TMEM87B: variants seen among roughly 807,000 people sequenced by gnomAD.
TMEM87B encodes transmembrane protein 87B.
In TMEM87B, 83 loss-of-function variants were observed where a neutral mutation model predicts 80.3. The ratio of observed to expected loss-of-function variants is 1.03; its 90% CI spans 0.87 to 1.24. The LOEUF is 1.24. Among genes scored for constraint, TMEM87B ranks in the 50% most tolerant of loss-of-function variants. TMEM87B has a pLI of 0.00. For synonymous variants in TMEM87B, 219 were observed against 230.5 expected, an observed-to-expected ratio of 0.95 and a Z score of 0.45; for missense variants, 625 against 674.4, an observed-to-expected ratio of 0.93 and a Z score of 0.81.
At chr2:112,110,521 T>C (rs1037949132) in intron 17 of TMEM87B, among the ~76,000 whole-genome samples, 1 of 152,148 alleles carries the variant, frequency 6.6e-6, no homozygotes, top group Non-Finnish European at 1.5e-5. Context: ...TGATTTTCAT[T>C]TTCCTTCTTT....
At chr2:112,077,094 C>A in intron 5 of TMEM87B, 98 bp from the exon 6 acceptor site, 4 of 537,550 alleles carry the variant, frequency 7.4e-6, no homozygotes, top group East Asian at 3.3e-5. Flanking sequence ...AAAAAGTAAC[C>A]CGATTCAATT....
chr2:112,095,110 C>A, intron 11 of TMEM87B: 1 of 897,652 alleles, frequency 1.1e-6, no homozygotes, highest in Non-Finnish European at 1.3e-6. Flanking sequence ...TGTGGCCCTT[C>A]CTCCCCTTTT....
intron 5 of TMEM87B, among the ~76,000 whole-genome samples, chr2:112,075,647 A>G (rs1464360193): frequency 2.0e-5 from 3 of 152,230 alleles, no homozygotes. Context: ...CTGGGGAATT[A>G]CTAAAAGTTA....
chr2:112,073,014 C>T (rs963499429), intron 4 of TMEM87B, among the ~76,000 whole-genome samples: 1 of 151,556 alleles, frequency 6.6e-6, no homozygotes. Context: ...ATTCTCCCAC[C>T]TCAGCCTCCC....
intron 14 of TMEM87B, among the ~76,000 whole-genome samples, chr2:112,100,145 G>A (rs1679590760): frequency 6.6e-6 from 1 of 152,154 alleles, no homozygotes; most frequent in Non-Finnish European, 1.5e-5. Flanking sequence ...TTACTTTAAT[G>A]GCTATTGCCA....
chr2:112,092,263 G>T lies in TMEM87B; in HGVS notation c.1104+480G>T, dbSNP rs973460035. Among the ~76,000 whole-genome samples the T allele has an allele frequency of 2.6e-5, 4 of 152,178 alleles. No homozygotes were observed. The East Asian group carries it at 5.8e-4, about 22-fold the overall frequency. On this transcript the variant is annotated intron_variant, in intron 11 of 18. Coordinates refer to ENST00000283206, the MANE Select transcript of TMEM87B (RefSeq NM_032824.3). ...TAATAAGGAGGTAATTAGGGAAGAG[G>T]TATTCTAGGAAGAACGGAGGGGAGC...
rs1366382757 is a variant in TMEM87B, at chr2:112,064,156, A to T, written c.227-6A>T. 1 of 1,611,594 alleles carries T rather than the reference A, an allele frequency of 6.2e-7. No homozygotes were observed. The highest frequency in any genetic ancestry group is 1.3e-5 in the African/African-American group (1 of 74,932). On this transcript the variant is annotated splice_polypyrimidine_tract_variant and splice_region_variant and intron_variant, in intron 2 of 18. Transcript: ENST00000283206. ...ATGTAAAACAAGACTTTCTTTTTCTAAACAGTTAAGTCATTCCATTGTTCT... is the reference window on the plus strand; with the variant it reads ...ATGTAAAACAAGACTTTCTTTTTCTTAACAGTTAAGTCATTCCATTGTTCT...
chr2:112,070,700 A>T (rs1462365841), intron 4 of TMEM87B, among the ~76,000 whole-genome samples: 1 of 152,018 alleles, frequency 6.6e-6, no homozygotes, highest in Non-Finnish European at 1.5e-5. Context: ...AGTTTTTTCT[A>T]GTTTTGTGAA....
rs1203572632 is a variant in TMEM87B, at chr2:112,064,918, ATATCTATACATATACATATATGTG to A, written c.318+668_318+691del. The stretch of plus-strand genomic sequence containing the variant: ...TTAAATTATATATGTATATATGTAT[ATATCTATACATATACATATATGTG>A]TACATATACCTATACATGTATATGC... On this transcript the variant is annotated intron_variant, in intron 3 of 18. Coordinates refer to ENST00000283206, the MANE Select transcript of TMEM87B (RefSeq NM_032824.3). 9.2e-5 allele frequency among the ~76,000 whole-genome samples: 14 copies of A among 152,226 alleles called. No individual in the cohort carries two copies. The East Asian group carries it at 1.9e-3, about 21-fold the overall frequency.
intron 5 of TMEM87B, among the ~76,000 whole-genome samples, chr2:112,076,703 T>G (rs1320174045): frequency 6.6e-6 from 1 of 152,168 alleles, no homozygotes; most frequent in African/African-American, 2.4e-5. Context: ...AGAGGGAACC[T>G]GTAAAAATAT....
At chr2:112,072,585 T>A (rs1372982503) in intron 4 of TMEM87B, among the ~76,000 whole-genome samples, 1 of 152,192 alleles carries the variant, frequency 6.6e-6, no homozygotes, top group African/African-American at 2.4e-5. Context: ...TTCTGATGGT[T>A]ACCTGTATTT....
At chr2:112,107,628 A>G (rs544658693) in intron 16 of TMEM87B, among the ~76,000 whole-genome samples, 160 bp from the exon 17 acceptor site, 1 of 152,370 alleles carries the variant, frequency 6.6e-6, no homozygotes, top group Admixed American at 6.5e-5. Context: ...AAACAGTGGC[A>G]TAATTTCTGT....
At chr2:112,082,194 A>G (rs1258672790) in intron 8 of TMEM87B, among the ~76,000 whole-genome samples, 1 of 152,208 alleles carries the variant, frequency 6.6e-6, no homozygotes, top group Non-Finnish European at 1.5e-5. Context: ...GAAGGTGCTC[A>G]AGAGTGTACT....
chr2:112,055,279 C>G lies in TMEM87B; in HGVS notation c.-313C>G, dbSNP rs34128716. 0.24 allele frequency: 89,843 copies of G among 377,786 alleles called. 11,897 individuals carry two copies. Among genetic ancestry groups the G allele is most frequent in the Middle Eastern group, 0.32 (451 of 1,406 alleles). The allele number at this position is 377,786 out of a possible 1,614,324, so 23.4% of individuals were successfully genotyped here. On this transcript the variant is annotated 5_prime_UTR_variant, in exon 1 of 19. Transcript: ENST00000283206. The stretch of plus-strand genomic sequence containing the variant: ...TCCGGCTCCTCTTCTATCTTCACGC[C>G]CACGCTAGGCCCTGAGCCCAGCCTC...
chr2:112,068,415 T>G (rs1197184181), intron 4 of TMEM87B, among the ~76,000 whole-genome samples: 4 of 152,128 alleles, frequency 2.6e-5, no homozygotes, highest in African/African-American at 9.7e-5. Context: ...CTCAATGAAT[T>G]TTTAAAAGGC....
chr2:112,085,606 G>C (rs866106059), intron 8 of TMEM87B, among the ~76,000 whole-genome samples: 149 of 152,206 alleles, frequency 9.8e-4, no homozygotes, highest in African/African-American at 3.5e-3. Context: ...CACAGTAGGA[G>C]CATATCAGAT....
intron 16 of TMEM87B, among the ~76,000 whole-genome samples, chr2:112,107,254 A>G (rs1250092681): frequency 6.7e-6 from 1 of 150,224 alleles, no homozygotes. Flanking sequence ...GCTACTCGGG[A>G]GGCTGAAACA....
At chr2:112,089,796 AT>A in intron 10 of TMEM87B, 78 bp downstream of exon 10, 1 of 1,352,688 alleles carries the variant, frequency 7.4e-7, no homozygotes, top group Non-Finnish European at 1.0e-6. Flanking sequence ...CCTGAGATGA[AT>A]TTTTAGATAG....
intron 1 of TMEM87B, among the ~76,000 whole-genome samples, chr2:112,056,429 C>T (rs904215554): frequency 2.0e-5 from 3 of 152,018 alleles, no homozygotes; most frequent in African/African-American, 7.2e-5. Flanking sequence ...TGGGTGGAAA[C>T]TCTTCTTTCC....
Sources: allele counts gnomAD v4.1 joint callset (sites outside exome capture counted in the v4.1 genomes callset), GRCh38; gene constraint gnomAD v4.1.1; transcripts MANE v1.5; gene names NCBI Gene and HGNC (gene_info 2026-07-23, HGNC 2026-07-21).